Variants in PDE1C observed in about 807,000 individuals in gnomAD.
PDE1C encodes the protein dual specificity calcium/calmodulin-dependent 3',5'-cyclic nucleotide phosphodiesterase 1C.
PDE1C carries 62 observed loss-of-function variants against 93.1 expected under a neutral mutation model. The ratio of observed to expected loss-of-function variants is 0.67; its 90% CI spans 0.54 to 0.82. The LOEUF is 0.82. Among genes scored for constraint, PDE1C ranks in the 40% least tolerant of loss-of-function variants. PDE1C has a pLI of 0.00. For missense variants in PDE1C, 742 were observed against 884.6 expected (o/e 0.84, Z 2.04); for synonymous variants, 325 against 310.1 (o/e 1.05, Z -0.50).
At chr7:31,830,558 G>A (rs1337638906) in intron 11 of PDE1C, among the ~76,000 whole-genome samples, 6 of 152,194 alleles carry the variant, frequency 3.9e-5, no homozygotes, top group Admixed American at 2.0e-4. Flanking sequence ...AAACACTCAA[G>A]TTCCTTTGGC....
rs1392503038 is a variant in PDE1C at position 31,795,203 on chromosome 7, T to A, written c.1891+13828A>T. Among the ~76,000 whole-genome samples the A allele has an allele frequency of 5.3e-5, 8 of 151,932 alleles. No individual in the cohort carries two copies. In the East Asian group the frequency reaches 1.6e-3, roughly 29 times the overall value. ...GAAATGGCATTACCAATGTAGATAG[T>A]GTTAAGTTCTGCCTTTGGCACATAT... On this transcript the variant is annotated intron_variant, in intron 16 of 17. Transcript: ENST00000396191.
the PDE1C span, among the ~76,000 whole-genome samples, chr7:31,724,341 C>T: frequency 5.9e-5 from 9 of 152,226 alleles, no homozygotes; most frequent in Admixed American, 5.2e-4. Flanking sequence ...TTTGCCCTAT[C>T]TATGTCCCCT....
chr7:32,246,157 C>G (rs1192767689), intron 1 of PDE1C, among the ~76,000 whole-genome samples: 1 of 151,818 alleles, frequency 6.6e-6, no homozygotes, highest in Non-Finnish European at 1.5e-5. Flanking sequence ...TTAGTAGAAA[C>G]AAGGTTTCAC....
At chr7:31,927,230 C>A (rs562017685) in intron 2 of PDE1C, among the ~76,000 whole-genome samples, 2 of 152,216 alleles carry the variant, frequency 1.3e-5, no homozygotes, top group Non-Finnish European at 2.9e-5. Flanking sequence ...GGTCCTGGGG[C>A]TGGACTGCCT....
chr7:31,934,683 GA>G (rs1170377653), intron 2 of PDE1C, among the ~76,000 whole-genome samples: 1 of 152,108 alleles, frequency 6.6e-6, no homozygotes, highest in Non-Finnish European at 1.5e-5. Context: ...AAAGTTATCT[GA>G]TTTGTGGTAC....
chr7:31,728,233 C>T, the PDE1C span, among the ~76,000 whole-genome samples: 12 of 152,164 alleles, frequency 7.9e-5, no homozygotes, highest in African/African-American at 2.4e-4. Flanking sequence ...GCTTTGGGTG[C>T]GTAGGTCCTG....
intron 2 of PDE1C, among the ~76,000 whole-genome samples, chr7:32,045,646 G>A (rs1584583072): frequency 6.6e-6 from 1 of 152,134 alleles, no homozygotes; most frequent in African/African-American, 2.4e-5. Flanking sequence ...AAGTTACTTA[G>A]CTGCCACTTT....
chr7:31,970,148 T>C (rs776769999), intron 2 of PDE1C, among the ~76,000 whole-genome samples: 109 of 152,082 alleles, frequency 7.2e-4, no homozygotes, highest in Non-Finnish European at 1.3e-3. Flanking sequence ...ATAATAATAA[T>C]AAAATTTTTT....
At chr7:31,939,553 T>C (rs1193120402) in intron 2 of PDE1C, among the ~76,000 whole-genome samples, 1 of 151,978 alleles carries the variant, frequency 6.6e-6, no homozygotes, top group African/African-American at 2.4e-5. Flanking sequence ...TTGAGAAAAA[T>C]ATAAATGAAA....
chr7:31,821,092 G>A (rs753099515), intron 14 of PDE1C, among the ~76,000 whole-genome samples: 24 of 150,794 alleles, frequency 1.6e-4, no homozygotes, highest in South Asian at 6.3e-4. Flanking sequence ...CAAGATATCC[G>A]TAACACCAGG....
intron 7 of PDE1C, among the ~76,000 whole-genome samples, chr7:31,864,121 T>TA (rs1794995026): frequency 6.6e-6 from 1 of 152,184 alleles, no homozygotes; most frequent in Admixed American, 6.5e-5. Flanking sequence ...TATATCTTTT[T>TA]AAATGAATGG....
chr7:31,729,645 T>C, the PDE1C span, among the ~76,000 whole-genome samples: 1 of 152,168 alleles, frequency 6.6e-6, no homozygotes, highest in African/African-American at 2.4e-5. Context: ...ACCTACCTGA[T>C]TCACACTGAG....
chr7:31,810,554 T>A (rs1286579856), intron 15 of PDE1C, among the ~76,000 whole-genome samples: 1 of 152,152 alleles, frequency 6.6e-6, no homozygotes, highest in Admixed American at 6.5e-5. Flanking sequence ...TTGCTGAATA[T>A]CCCACTCACC....
intron 2 of PDE1C, among the ~76,000 whole-genome samples, chr7:31,988,995 CAAAAAAAA>C (rs36081234): frequency 1.5e-4 from 5 of 34,156 alleles, no homozygotes; most frequent in East Asian, 9.8e-4. Context: ...AACTTCTTCT[CAAAAAAAA>C]AAAAAAAAAA....
chr7:32,359,118 C>A (rs1784085291), intron 1 of PDE1C, among the ~76,000 whole-genome samples: 1 of 152,280 alleles, frequency 6.6e-6, no homozygotes, highest in Admixed American at 6.5e-5. Context: ...AAGCTTTTCA[C>A]CTGCCTTCAG....
intron 16 of PDE1C, among the ~76,000 whole-genome samples, chr7:31,780,803 TTGTGTGTG>T (rs55970947): frequency 0.43 from 63,978 of 149,526 alleles, 14,873 homozygotes; most frequent in Non-Finnish European, 0.53. Flanking sequence ...ACGTGTGCAT[TTGTGTGTG>T]TGTGTGTGTG....
At chr7:32,027,329 C>T (rs1789571280) in intron 2 of PDE1C, among the ~76,000 whole-genome samples, 1 of 151,910 alleles carries the variant, frequency 6.6e-6, no homozygotes, top group Non-Finnish European at 1.5e-5. Flanking sequence ...TAAAACTGCT[C>T]TACAAAATAA....
the PDE1C span, among the ~76,000 whole-genome samples, chr7:31,657,205 CTG>C: frequency 3.2e-4 from 4 of 12,450 alleles, no homozygotes; most frequent in African/African-American, 1.5e-3. Context: ...TTCAAAAAGA[CTG>C]TAAGTTGTCT....
At chr7:31,930,305 T>C (rs963742604) in intron 2 of PDE1C, among the ~76,000 whole-genome samples, 6 of 152,146 alleles carry the variant, frequency 3.9e-5, no homozygotes, top group Non-Finnish European at 8.8e-5. Context: ...ACCAGATGAA[T>C]TCACAGCCAA....
Sources: allele counts gnomAD v4.1 joint callset (sites outside exome capture counted in the v4.1 genomes callset), GRCh38; gene constraint gnomAD v4.1.1; transcripts MANE v1.5; gene names NCBI Gene and HGNC (gene_info 2026-07-23, HGNC 2026-07-21).